The following GRIK4 variants were observed in gnomAD, a reference collection of about 807,000 sequenced individuals.
GRIK4 encodes glutamate ionotropic receptor kainate type subunit 4.
A neutral mutation model predicts 104.9 loss-of-function variants in GRIK4; 40 were observed. The ratio of observed to expected loss-of-function variants is 0.38; its 90% CI spans 0.30 to 0.50. The LOEUF (loss-of-function observed/expected upper bound fraction) is 0.50, where lower values mean the gene tolerates loss of function less well. Among genes scored for constraint, GRIK4 ranks in the 20% least tolerant of loss-of-function variants. The probability of loss-of-function intolerance (pLI) is 0.93; values close to 1 mark genes in which losing one functional copy is unlikely to be tolerated. For missense variants in GRIK4, 1,047 were observed against 1,308.1 expected (o/e 0.80, Z 3.08); for synonymous variants, 485 against 524.9 (o/e 0.92, Z 1.04).
Position 120,875,768 on chromosome 11 carries a change from A to G in GRIK4, c.1164+525A>G, listed in dbSNP as rs115246693. Among the ~76,000 whole-genome samples the G allele has an allele frequency of 1.4e-3, 219 of 152,096 alleles. 1 individual carries two copies. Among genetic ancestry groups the G allele is most frequent in the African/African-American group, 5.0e-3 (209 of 41,484 alleles). On this transcript the variant is annotated intron_variant, in intron 11 of 20. Transcript: ENST00000527524. ...ATTGCAGGGATGCCTTGTCCTTCATAGTTCCTTTCAGCTCCCCACTCCTTT... is the reference window on the plus strand; with the variant it reads ...ATTGCAGGGATGCCTTGTCCTTCATGGTTCCTTTCAGCTCCCCACTCCTTT...
chr11:120,902,165 C>T lies in GRIK4; in HGVS notation c.1273-3125C>T, dbSNP rs1592060773. Among the ~76,000 whole-genome samples the T allele has an allele frequency of 2.0e-5, 3 of 152,184 alleles. No homozygotes were observed. The highest frequency in any genetic ancestry group is 6.8e-3 in the Middle Eastern group (2 of 294). On this transcript the variant is annotated intron_variant, in intron 12 of 20. Transcript: ENST00000527524. This position sits in a 1 kb window ranked among gnomAD's most constrained non-coding sequence, Gnocchi z 4.5. Reference sequence around the variant, plus strand: ...GCTCTGGTCAGGGCACACTTGGGGACGTGTGGATGGTTTATTGGTTAATGC... The same window carrying T: ...GCTCTGGTCAGGGCACACTTGGGGATGTGTGGATGGTTTATTGGTTAATGC...
At chr11:120,698,055 G>A (rs1307368531) in intron 3 of GRIK4, among the ~76,000 whole-genome samples, 1 of 152,080 alleles carries the variant, frequency 6.6e-6, no homozygotes, top group Non-Finnish European at 1.5e-5. Flanking sequence ...GCCAAGAGGT[G>A]TCCCCCCTGG....
chr11:120,691,936 A>T (rs1051029359), intron 3 of GRIK4, among the ~76,000 whole-genome samples: 7 of 152,202 alleles, frequency 4.6e-5, no homozygotes, highest in Admixed American at 1.3e-4. Flanking sequence ...CCACTGGTGG[A>T]TGCTGCCCCA....
chr11:120,735,226 T>C (rs1951199762), intron 3 of GRIK4, among the ~76,000 whole-genome samples: 1 of 152,150 alleles, frequency 6.6e-6, no homozygotes, highest in Non-Finnish European at 1.5e-5. Context: ...TTGGGAAGAC[T>C]TTCCGGGTAT....
intron 1 of GRIK4, among the ~76,000 whole-genome samples, chr11:120,520,991 A>C (rs1947791406): frequency 6.6e-6 from 1 of 152,184 alleles, no homozygotes; most frequent in African/African-American, 2.4e-5. Context: ...CGGGATATGC[A>C]GAAGACCCTG....
chr11:120,931,316 A>G (rs1481151539), intron 13 of GRIK4, among the ~76,000 whole-genome samples: 1 of 152,168 alleles, frequency 6.6e-6, no homozygotes, highest in African/African-American at 2.4e-5. Flanking sequence ...GTTTGGCAAC[A>G]CAAGGACTTA....
chr11:120,966,490 G>C (rs1944385888), intron 18 of GRIK4, among the ~76,000 whole-genome samples: 1 of 152,158 alleles, frequency 6.6e-6, no homozygotes. Context: ...TTCTGTCTCA[G>C]CCTCCTGAGC....
intron 6 of GRIK4, among the ~76,000 whole-genome samples, chr11:120,824,267 C>T (rs1402371083): frequency 6.6e-6 from 1 of 152,142 alleles, no homozygotes; most frequent in Non-Finnish European, 1.5e-5. Flanking sequence ...GTGCCTGTTT[C>T]TGATGAGGCT....
chr11:120,732,992 A>C (rs1951163182), intron 3 of GRIK4, among the ~76,000 whole-genome samples: 1 of 152,212 alleles, frequency 6.6e-6, no homozygotes, highest in Admixed American at 6.5e-5. Context: ...AGCTCTAATA[A>C]TATTTGCTTT....
chr11:120,925,387 A>G (rs1438099625), intron 13 of GRIK4, among the ~76,000 whole-genome samples: 1 of 152,164 alleles, frequency 6.6e-6, no homozygotes. Context: ...CAGGCCCCCG[A>G]TCACGCCTGG....
chr11:120,594,976 A>C (rs1435032055), intron 1 of GRIK4, among the ~76,000 whole-genome samples: 1 of 152,176 alleles, frequency 6.6e-6, no homozygotes, highest in Non-Finnish European at 1.5e-5. Flanking sequence ...CTGTCCACAT[A>C]CCGAGGAAGG....
intron 8 of GRIK4, among the ~76,000 whole-genome samples, chr11:120,855,383 A>G (rs956219892): frequency 1.3e-5 from 2 of 152,154 alleles, no homozygotes; most frequent in African/African-American, 2.4e-5. Flanking sequence ...CAGCTCTCTC[A>G]TGTTCTCAGT....
At chr11:120,563,949 C>G (rs761282763) in intron 1 of GRIK4, among the ~76,000 whole-genome samples, 114 of 152,320 alleles carry the variant, frequency 7.5e-4, no homozygotes, top group Middle Eastern at 3.4e-3. Flanking sequence ...CATTATTTTC[C>G]CATCGCGGAG....
At chr11:120,893,732 A>G (rs1470940448) in intron 11 of GRIK4, among the ~76,000 whole-genome samples, 1 of 152,234 alleles carries the variant, frequency 6.6e-6, no homozygotes, top group African/African-American at 2.4e-5. Flanking sequence ...GCTTTAAATC[A>G]GCCATAGCGG....
intron 11 of GRIK4, among the ~76,000 whole-genome samples, chr11:120,896,739 G>T (rs1348965939): frequency 6.6e-6 from 1 of 152,228 alleles, no homozygotes; most frequent in African/African-American, 2.4e-5. Flanking sequence ...CTTTACTGTT[G>T]CTGGAAATTC....
In GRIK4 at chr11:120,902,964, C is replaced by A. The variant is rs1942776197; in HGVS notation, c.1273-2326C>A. ...TCCACTCAGAGCTCCCGCTCCCTGA[C>A]ACATGACCTTTGCCTTCTGGCTGCC... On this transcript the variant is annotated intron_variant, in intron 12 of 20. Coordinates refer to ENST00000527524, the MANE Select transcript of GRIK4 (RefSeq NM_014619.5). This position sits in a 1 kb window ranked among gnomAD's most constrained non-coding sequence, Gnocchi z 4.5. Among the ~76,000 whole-genome samples, 1 of 152,154 alleles carries A rather than the reference C, an allele frequency of 6.6e-6. No individual in the cohort carries two copies. The highest frequency in any genetic ancestry group is 6.5e-5 in the Admixed American group (1 of 15,278).
At position 120,753,959 on chromosome 11, in the gene GRIK4, C is replaced by T. The variant is rs1364720650; in HGVS notation, c.83-48734C>T. On this transcript the variant is annotated intron_variant, in intron 3 of 20. Transcript: ENST00000527524. ...CCCATCCCCTTGAGCTATCACTCCT[C>T]ATTGTCCCCATTCATCCCAGCCCCT... 3.9e-5 allele frequency among the ~76,000 whole-genome samples: 6 copies of T among 152,318 alleles called. No individual in the cohort carries two copies. In the East Asian group the frequency reaches 1.2e-3, roughly 29 times the overall value.
chr11:120,749,690 C>A (rs529444793), intron 3 of GRIK4, among the ~76,000 whole-genome samples: 1 of 152,086 alleles, frequency 6.6e-6, no homozygotes, highest in South Asian at 2.1e-4. Flanking sequence ...ATAATGCCAG[C>A]GCTGCTTTGT....
At chr11:120,715,952 A>C (rs969249928) in intron 3 of GRIK4, among the ~76,000 whole-genome samples, 1 of 152,092 alleles carries the variant, frequency 6.6e-6, no homozygotes, top group Non-Finnish European at 1.5e-5. Flanking sequence ...GAAGTCACCC[A>C]AGCAAAGGCT....
Sources: allele counts gnomAD v4.1 joint callset (sites outside exome capture counted in the v4.1 genomes callset), GRCh38; gene constraint gnomAD v4.1.1; non-coding constraint Gnocchi (gnomAD v3.1); transcripts MANE v1.5; gene names NCBI Gene and HGNC (gene_info 2026-07-23, HGNC 2026-07-21).